The following RBFOX3 variants were observed in gnomAD, a reference collection of about 807,000 sequenced individuals.
The protein encoded by RBFOX3 is RNA binding fox-1 homolog 3, also known as RNA binding protein fox-1 homolog 3.
RBFOX3 carries 17 observed loss-of-function variants against 48.7 expected under a neutral mutation model. The observed-to-expected ratio is 0.35, with a 90% confidence interval of 0.24 to 0.52. RBFOX3 has a LOEUF of 0.52. Among genes scored for constraint, RBFOX3 ranks in the 20% least tolerant of loss-of-function variants. The pLI, the probability that RBFOX3 is intolerant of heterozygous loss-of-function variation, is 0.94. For synonymous variants in RBFOX3, 212 were observed against 209.5 expected (o/e 1.01, Z -0.10); for missense variants, 382 against 497.5 (o/e 0.77, Z 2.21).
intron 1 of RBFOX3, among the ~76,000 whole-genome samples, chr17:79,510,335 C>T (rs987019290): frequency 2.3e-4 from 35 of 152,302 alleles, no homozygotes; most frequent in Middle Eastern, 3.4e-3. Flanking sequence ...TGACCCGCTG[C>T]GCACCCACCG....
At chr17:79,345,163 C>T (rs2082695263) in intron 2 of RBFOX3, among the ~76,000 whole-genome samples, 1 of 152,218 alleles carries the variant, frequency 6.6e-6, no homozygotes, top group Admixed American at 6.5e-5. Flanking sequence ...CAGCAGTGTT[C>T]CTGAGAGCTT....
upstream of RBFOX3, among the ~76,000 whole-genome samples, chr17:79,615,654 T>C (rs946674694): frequency 9.8e-3 from 1,498 of 152,286 alleles, 25 homozygotes; most frequent in African/African-American, 0.034. Context: ...CTGTTTTCCT[T>C]TCCACGCACT....
intron 1 of RBFOX3, among the ~76,000 whole-genome samples, chr17:79,543,764 G>A (rs1284428045): frequency 6.6e-6 from 1 of 151,998 alleles, no homozygotes; most frequent in Non-Finnish European, 1.5e-5. Context: ...GAATTCCACA[G>A]CACCGTGTGA....
chr17:79,580,278 C>G (rs1214790576), intron 1 of RBFOX3, among the ~76,000 whole-genome samples: 2 of 132,800 alleles, frequency 1.5e-5, no homozygotes, highest in Non-Finnish European at 3.2e-5. Context: ...CTCCTCCCCC[C>G]CCATCCTCCT....
chr17:79,534,568 C>G (rs868978795), intron 1 of RBFOX3, among the ~76,000 whole-genome samples: 1 of 152,178 alleles, frequency 6.6e-6, no homozygotes, highest in East Asian at 1.9e-4. Flanking sequence ...AGTCCAGGCT[C>G]GGAACCAGCC....
intron 2 of RBFOX3, among the ~76,000 whole-genome samples, chr17:79,403,486 C>A (rs1431775885): frequency 1.3e-5 from 2 of 152,234 alleles, no homozygotes; most frequent in African/African-American, 4.8e-5. Flanking sequence ...CAGGAATAAT[C>A]CGTGAACACA....
rs972633740 is a variant in RBFOX3 at position 79,465,754 on chromosome 17, G to A, written c.-175+16700C>T. ...AAGCAGTGAGGTTAGGGAGTCACTCGGCAGGTAGCCATGCTTCAGCCCCCG... is the reference window on the plus strand; with the variant it reads ...AAGCAGTGAGGTTAGGGAGTCACTCAGCAGGTAGCCATGCTTCAGCCCCCG... On this transcript the variant is annotated intron_variant, in intron 2 of 14. Coordinates refer to ENST00000693108, the MANE Select transcript of RBFOX3 (RefSeq NM_001350451.2). Among the ~76,000 whole-genome samples the A allele has an allele frequency of 7.2e-5, 11 of 152,330 alleles. No homozygotes were observed. The East Asian group carries it at 9.6e-4, about 13-fold the overall frequency.
At chr17:79,290,102 C>G (rs879827470) in intron 3 of RBFOX3, among the ~76,000 whole-genome samples, 10 of 152,008 alleles carry the variant, frequency 6.6e-5, no homozygotes, top group Non-Finnish European at 1.5e-4. Flanking sequence ...CCTTGGAGGG[C>G]AGGCAGGTGG....
the RBFOX3 span, among the ~76,000 whole-genome samples, chr17:79,664,397 G>A: frequency 6.6e-6 from 1 of 150,870 alleles, no homozygotes; most frequent in African/African-American, 2.4e-5. Context: ...CCAGGCTGGA[G>A]TGCAGTGGTG....
At chr17:79,259,241 T>C (rs1293095652) in intron 3 of RBFOX3, among the ~76,000 whole-genome samples, 1 of 152,240 alleles carries the variant, frequency 6.6e-6, no homozygotes, top group African/African-American at 2.4e-5. Flanking sequence ...ATCTGTGGAC[T>C]CTGCCCCAGG....
At chr17:79,125,523 C>T (rs1435120238) in intron 4 of RBFOX3, among the ~76,000 whole-genome samples, 3 of 152,262 alleles carry the variant, frequency 2.0e-5, no homozygotes, top group Non-Finnish European at 4.4e-5. Context: ...GTCCCCCAGC[C>T]TGCGTGTGGG....
chr17:79,148,813 G>A lies in RBFOX3; in HGVS notation c.-33-33065C>T, dbSNP rs371174183. On this transcript the variant is annotated intron_variant, in intron 4 of 14. Coordinates refer to ENST00000693108, the MANE Select transcript of RBFOX3 (RefSeq NM_001350451.2). Reference sequence around the variant, plus strand: ...CTGCAGCCTCCGAGGGCCTCTGCGGGCCTGGCTGGGGTAGGCTAAGGCCAA... The same window carrying A: ...CTGCAGCCTCCGAGGGCCTCTGCGGACCTGGCTGGGGTAGGCTAAGGCCAA... Among the ~76,000 whole-genome samples the A allele has an allele frequency of 2.0e-5, 3 of 152,346 alleles. No homozygotes were observed. In the East Asian group the frequency reaches 5.8e-4, roughly 29 times the overall value.
rs140521139 is a variant in RBFOX3, at chr17:79,296,285, A to G, written c.-74+11439T>C. Among the ~76,000 whole-genome samples the G allele has an allele frequency of 9.7e-3, 1,408 of 145,420 alleles. 9 individuals are homozygous for G. The highest frequency in any genetic ancestry group is 0.033 in the Middle Eastern group (9 of 276). ...AACCCCCACCCCGCAAAAAGGCACA[A>G]ACAGACACACACACACACACCACAC... On this transcript the variant is annotated intron_variant, in intron 3 of 14. Transcript: ENST00000693108.
At chr17:79,476,875 A>G (rs915258962) in intron 2 of RBFOX3, among the ~76,000 whole-genome samples, 1 of 151,714 alleles carries the variant, frequency 6.6e-6, no homozygotes, top group Non-Finnish European at 1.5e-5. Flanking sequence ...ATGAGAAAGG[A>G]AAGAAGTAGG....
At chr17:79,577,658 A>AAC (rs1165032699) in intron 1 of RBFOX3, among the ~76,000 whole-genome samples, 6 of 152,224 alleles carry the variant, frequency 3.9e-5, no homozygotes, top group Non-Finnish European at 2.9e-5. Context: ...TCCCACTTCC[A>AAC]ACACACACAC....
intron 2 of RBFOX3, among the ~76,000 whole-genome samples, chr17:79,470,984 G>T (rs1030526968): frequency 2.0e-5 from 3 of 151,988 alleles, no homozygotes; most frequent in African/African-American, 7.3e-5. Flanking sequence ...CCCACTGCAC[G>T]CATGTTCTAG....
At position 79,111,577 on chromosome 17, in the gene RBFOX3, A is replaced by G. The variant is rs1279351781; in HGVS notation, c.222+3917T>C. Among the ~76,000 whole-genome samples the G allele has an allele frequency of 6.6e-6, 1 of 152,206 alleles. No individual in the cohort carries two copies. Among genetic ancestry groups the G allele is most frequent in the Non-Finnish European group, 1.5e-5 (1 of 68,040 alleles). ...CAGCCTCCCGGGCAGCTGGGATTAC[A>G]GGCACGAGCCACCATGCCCGATTAA... On this transcript the variant is annotated intron_variant, in intron 5 of 14. Coordinates refer to ENST00000693108, the MANE Select transcript of RBFOX3 (RefSeq NM_001350451.2). This position sits in a 1 kb window ranked among gnomAD's most constrained non-coding sequence, Gnocchi z 4.2.
chr17:79,120,966 AC>A (rs1408429858), intron 4 of RBFOX3, among the ~76,000 whole-genome samples: 3 of 151,678 alleles, frequency 2.0e-5, no homozygotes, highest in Non-Finnish European at 2.9e-5. Flanking sequence ...ATCCATGACC[AC>A]CCCCTGCCAT....
intron 3 of RBFOX3, among the ~76,000 whole-genome samples, chr17:79,268,227 C>T (rs2067059383): frequency 6.6e-6 from 1 of 152,160 alleles, no homozygotes; most frequent in Non-Finnish European, 1.5e-5. Flanking sequence ...GGTTGCAGAC[C>T]ATCTAGCCAG....
Sources: gnomAD v4.1 joint callset for allele counts (sites outside exome capture counted in the v4.1 genomes callset) on GRCh38, gnomAD v4.1.1 for gene constraint, Gnocchi (gnomAD v3.1) non-coding constraint, MANE v1.5 for transcripts, NCBI Gene and HGNC (gene_info 2026-07-23, HGNC 2026-07-21) for gene names.